ZCWPW2: variants seen among roughly 807,000 people sequenced by gnomAD.
ZCWPW2 encodes the protein zinc finger CW-type and PWWP domain containing 2.
A neutral mutation model predicts 46.6 loss-of-function variants in ZCWPW2; 45 were observed. The observed-to-expected ratio is 0.96, with a 90% confidence interval of 0.76 to 1.24. The LOEUF is 1.24. ZCWPW2 is among the 50% of genes most tolerant of loss of function. The pLI is 0.00. For synonymous variants in ZCWPW2, 152 were observed against 137.1 expected (o/e 1.11, Z -0.76); for missense variants, 429 against 403.9 (o/e 1.06, Z -0.53).
At position 28,349,149 on chromosome 3, in the gene ZCWPW2, G is replaced by GGCGGGACGGGGCGGGGCC; in HGVS notation, c.-179_-162dup. ...TACTACATGTCCCGTGAGCCTCCGC[G>GGCGGGACGGGGCGGGGCC]GCGGGACGGGGCGGGGCCGCGGGAC... On this transcript the variant is annotated 5_prime_UTR_variant, in exon 1 of 10. Transcript: ENST00000383768. The GGCGGGACGGGGCGGGGCC allele has an allele frequency of 2.0e-6, 2 of 985,622 alleles. No individual in the cohort carries two copies. Among genetic ancestry groups the GGCGGGACGGGGCGGGGCC allele is most frequent in the Non-Finnish European group, 2.4e-6 (2 of 830,128 alleles). 61.1% of individuals were successfully genotyped at this position (985,622 alleles called of 1,614,324 possible).
chr3:28,492,065 G>A, intron 5 of ZCWPW2, 62 bp from the exon 6 acceptor site: 3 of 1,473,322 alleles, frequency 2.0e-6, no homozygotes, highest in Non-Finnish European at 2.8e-6. Context: ...GTGTAATTCA[G>A]TATTTATTTG....
At chr3:28,446,172 A>G (rs1697982692) in intron 4 of ZCWPW2, among the ~76,000 whole-genome samples, 1 of 152,104 alleles carries the variant, frequency 6.6e-6, no homozygotes, top group South Asian at 2.1e-4. Context: ...TAAACCAACT[A>G]GATTTAACAG....
intron 4 of ZCWPW2, among the ~76,000 whole-genome samples, chr3:28,474,628 CGCGCGCGCGCACAT>C (rs1699165676): frequency 2.9e-5 from 4 of 136,668 alleles, no homozygotes; most frequent in Admixed American, 7.1e-5. Flanking sequence ...TGTGCGCGCG[CGCGCGCGCGCACAT>C]GCGCATTTGT....
intron 2 of ZCWPW2, among the ~76,000 whole-genome samples, chr3:28,400,457 A>G (rs1175788481): frequency 2.0e-5 from 3 of 152,226 alleles, no homozygotes; most frequent in Non-Finnish European, 4.4e-5. Context: ...AAAATTCATC[A>G]CAAAAAGATC....
chr3:28,381,753 C>T lies in ZCWPW2; in HGVS notation c.-133-8745C>T, dbSNP rs144171539. Among the ~76,000 whole-genome samples, 384 of 151,968 alleles carry T rather than the reference C, an allele frequency of 2.5e-3. 1 individual carries two copies. The highest frequency in any genetic ancestry group is 8.4e-3 in the African/African-American group (349 of 41,436). The stretch of plus-strand genomic sequence containing the variant: ...GTGAGCTATGATCCCACCACTGCAC[C>T]CAGGCCTGGGCAACAGAGAGAACCC... On this transcript the variant is annotated intron_variant, in intron 1 of 9. Coordinates refer to ENST00000383768, the MANE Select transcript of ZCWPW2 (RefSeq NM_001040432.4).
intron 3 of ZCWPW2, among the ~76,000 whole-genome samples, chr3:28,427,212 G>A (rs1697050871): frequency 6.6e-6 from 1 of 152,128 alleles, no homozygotes; most frequent in African/African-American, 2.4e-5. Flanking sequence ...TCTCATCCGA[G>A]TAAAAGGAAA....
intron 2 of ZCWPW2, among the ~76,000 whole-genome samples, chr3:28,398,559 C>T (rs191378965): frequency 6.6e-6 from 1 of 152,232 alleles, no homozygotes; most frequent in East Asian, 1.9e-4. Flanking sequence ...CACAGACCCT[C>T]TGAAGGAACC....
intron 4 of ZCWPW2, among the ~76,000 whole-genome samples, chr3:28,467,774 G>C (rs1253141849): frequency 2.0e-5 from 3 of 152,120 alleles, no homozygotes; most frequent in African/African-American, 7.2e-5. Context: ...AGGCTTACGG[G>C]GCTCACTAAT....
chr3:28,393,583 C>T (rs545726469), intron 2 of ZCWPW2, among the ~76,000 whole-genome samples: 3 of 152,122 alleles, frequency 2.0e-5, no homozygotes, highest in African/African-American at 7.2e-5. Flanking sequence ...TTAAAAGGAT[C>T]ATACACTATG....
intron 2 of ZCWPW2, among the ~76,000 whole-genome samples, chr3:28,403,102 C>A (rs565623557): frequency 6.6e-6 from 1 of 152,122 alleles, no homozygotes; most frequent in Non-Finnish European, 1.5e-5. Flanking sequence ...AAGAGAAAGT[C>A]AAACTGCTGC....
At chr3:28,507,771 A>G (rs1700317772) in intron 6 of ZCWPW2, among the ~76,000 whole-genome samples, 3 of 152,098 alleles carry the variant, frequency 2.0e-5, no homozygotes, top group African/African-American at 7.2e-5. Context: ...TATGTTCATT[A>G]TATTAGGCCT....
chr3:28,478,397 A>T (rs1699307676), intron 4 of ZCWPW2: 1 of 201,892 alleles, frequency 5.0e-6, no homozygotes, highest in Non-Finnish European at 1.1e-5. Flanking sequence ...GGTGTGAACC[A>T]CTGCACCCTG....
At chr3:28,480,712 G>T (rs1699397094) in intron 5 of ZCWPW2, among the ~76,000 whole-genome samples, 1 of 152,014 alleles carries the variant, frequency 6.6e-6, no homozygotes, top group Non-Finnish European at 1.5e-5. Flanking sequence ...TATAGTTTTA[G>T]GTTTTACATT....
At chr3:28,400,353 T>G (rs1695870573) in intron 2 of ZCWPW2, among the ~76,000 whole-genome samples, 1 of 152,164 alleles carries the variant, frequency 6.6e-6, no homozygotes, top group African/African-American at 2.4e-5. Flanking sequence ...TTTAAAAGTT[T>G]GGAAAACATA....
At chr3:28,386,773 C>T (rs922838208) in intron 1 of ZCWPW2, among the ~76,000 whole-genome samples, 7 of 152,124 alleles carry the variant, frequency 4.6e-5, no homozygotes, top group African/African-American at 1.7e-4. Flanking sequence ...TATAGGATAC[C>T]TGTTTTCTCT....
chr3:28,357,039 A>G (rs1333321078), intron 1 of ZCWPW2, among the ~76,000 whole-genome samples: 1 of 151,984 alleles, frequency 6.6e-6, no homozygotes, highest in African/African-American at 2.4e-5. Context: ...CCTTTCATTT[A>G]TTTTTTGCCA....
Position 28,455,269 on chromosome 3 carries a change from G to A in ZCWPW2, c.492+20000G>A, listed in dbSNP as rs148716806. Among the ~76,000 whole-genome samples the A allele has an allele frequency of 2.6e-3, 395 of 152,092 alleles. 1 individual carries two copies. Among genetic ancestry groups the A allele is most frequent in the African/African-American group, 8.5e-3 (353 of 41,498 alleles). The stretch of plus-strand genomic sequence containing the variant: ...AACTTGTTTTCATATGCTTGTTGGC[G>A]GCATGTATGTCTACTTTTGAAAAGT... On this transcript the variant is annotated intron_variant, in intron 4 of 9. Coordinates refer to ENST00000383768, the MANE Select transcript of ZCWPW2 (RefSeq NM_001040432.4).
intron 4 of ZCWPW2, among the ~76,000 whole-genome samples, chr3:28,473,370 G>A (rs182395105): frequency 1.9e-3 from 291 of 152,208 alleles, no homozygotes; most frequent in African/African-American, 6.6e-3. Context: ...AGCTACTTGG[G>A]AGGCTGAGGC....
rs538419953 is a variant in ZCWPW2, at chr3:28,448,745, A to G, written c.492+13476A>G. ...GGTTGCAGTGAGCTGAGATTATGCCACTACACTCCAGCCTGGGCTACCAAG... is the reference window on the plus strand; with the variant it reads ...GGTTGCAGTGAGCTGAGATTATGCCGCTACACTCCAGCCTGGGCTACCAAG... On this transcript the variant is annotated intron_variant, in intron 4 of 9. Transcript: ENST00000383768. Among the ~76,000 whole-genome samples the G allele has an allele frequency of 6.7e-5, 8 of 119,820 alleles. No homozygotes were observed. The South Asian group carries it at 2.0e-3, about 30-fold the overall frequency. 78.6% of individuals were successfully genotyped at this position (119,820 alleles called of 152,430 possible).
Sources: allele counts gnomAD v4.1 joint callset (sites outside exome capture counted in the v4.1 genomes callset), GRCh38; gene constraint gnomAD v4.1.1; transcripts MANE v1.5; gene names NCBI Gene and HGNC (gene_info 2026-07-23, HGNC 2026-07-21).